The following PEX5 variants were observed in gnomAD, a reference collection of about 807,000 sequenced individuals.
PEX5 encodes the protein peroxisomal biogenesis factor 5, also known as PTS1 receptor.
In PEX5, 52 loss-of-function variants were observed where a neutral mutation model predicts 82.9. The ratio of observed to expected loss-of-function variants is 0.63; its 90% CI spans 0.50 to 0.79. The LOEUF (loss-of-function observed/expected upper bound fraction) is 0.79, where lower values mean the gene tolerates loss of function less well. Ranked by LOEUF, PEX5 falls within the 30% of genes least tolerant of loss-of-function variation. The pLI, the probability that PEX5 is intolerant of heterozygous loss-of-function variation, is 0.00. For missense variants in PEX5, 719 were observed against 815.2 expected, an observed-to-expected ratio of 0.88 and a Z score of 1.44; for synonymous variants, 300 against 318.8, an observed-to-expected ratio of 0.94 and a Z score of 0.63.
chr12:7,208,944 TG>T (rs1565719758), intron 13 of PEX5, 60 bp from the exon 14 acceptor site: 1 of 1,417,200 alleles, frequency 7.1e-7, no homozygotes, highest in Non-Finnish European at 1.0e-6. Context: ...GAAATTAATT[TG>T]GGGGGATGGG....
At chr12:7,207,163 A>G (rs1944907084) in intron 10 of PEX5, among the ~76,000 whole-genome samples, 1 of 152,208 alleles carries the variant, frequency 6.6e-6, no homozygotes, top group Non-Finnish European at 1.5e-5. Context: ...AAAATGTTTT[A>G]TCTAGTTGAC....
intron 5 of PEX5, among the ~76,000 whole-genome samples, chr12:7,195,616 T>G (rs898219506): frequency 1.1e-4 from 16 of 151,458 alleles, no homozygotes; most frequent in African/African-American, 3.4e-4. Flanking sequence ...TTTTTCTGTT[T>G]TTTTTTTTTT....
At chr12:7,199,755 G>C (rs1376004932) in intron 6 of PEX5, among the ~76,000 whole-genome samples, 1 of 150,882 alleles carries the variant, frequency 6.6e-6, no homozygotes, top group African/African-American at 2.4e-5. Flanking sequence ...CAGGCAGAGG[G>C]GCTCCTCACT....
At chr12:7,201,702 G>A in intron 6 of PEX5, 49 bp from the exon 7 acceptor site, 1 of 1,285,456 alleles carries the variant, frequency 7.8e-7, no homozygotes, top group Non-Finnish European at 1.1e-6. Flanking sequence ...AGTAGCATGG[G>A]GAGGGTGATG....
downstream of PEX5, among the ~76,000 whole-genome samples, chr12:7,214,732 AAAG>A (rs1268672204): frequency 1.1e-4 from 11 of 103,546 alleles, no homozygotes; most frequent in East Asian, 2.4e-4. Context: ...TAAAATAAAA[AAAG>A]AATTATTCTC....
intron 10 of PEX5, among the ~76,000 whole-genome samples, chr12:7,206,080 T>C (rs1477281095): frequency 6.6e-6 from 1 of 152,220 alleles, no homozygotes; most frequent in Non-Finnish European, 1.5e-5. Flanking sequence ...GTAGAGTGGC[T>C]TAAAACACGT....
chr12:7,206,000 A>G (rs762363074), intron 10 of PEX5, among the ~76,000 whole-genome samples: 12 of 152,352 alleles, frequency 7.9e-5, no homozygotes, highest in South Asian at 6.2e-4. Context: ...GATGTTCTCA[A>G]TGGCTCTGAG....
intron 1 of PEX5, 55 bp from the exon 2 acceptor site, chr12:7,190,307 A>C (rs1012081875): frequency 2.3e-5 from 37 of 1,603,680 alleles, no homozygotes; most frequent in Non-Finnish European, 3.1e-5. Flanking sequence ...AGAGTTGTGG[A>C]TGTGAGAAGG....
intron 17 of PEX5, among the ~76,000 whole-genome samples, chr12:7,217,332 TA>T (rs758266595): frequency 1.3e-5 from 2 of 152,232 alleles, no homozygotes; most frequent in Admixed American, 6.5e-5. Flanking sequence ...CAACAATAAT[TA>T]ATTATCTCTG....
intron 9 of PEX5, among the ~76,000 whole-genome samples, chr12:7,203,160 A>G (rs1944320432): frequency 4.1e-5 from 2 of 48,424 alleles, no homozygotes; most frequent in Admixed American, 5.6e-4. Context: ...CTCTGTCTCA[A>G]ACAAAAAACT....
At chr12:7,202,009 T>G in intron 7 of PEX5, 168 bp downstream of exon 7, 1 of 751,912 alleles carries the variant, frequency 1.3e-6, no homozygotes, top group Non-Finnish European at 2.3e-6. Flanking sequence ...CTTCTAGTGT[T>G]CATTCCCTCA....
intron 17 of PEX5, among the ~76,000 whole-genome samples, chr12:7,217,474 T>A (rs924531053): frequency 4.6e-5 from 7 of 152,222 alleles, no homozygotes; most frequent in African/African-American, 1.7e-4. Context: ...AATTCCTCAG[T>A]AGGTGAGACG....
chr12:7,204,162 A>G (rs1944483210), intron 10 of PEX5, among the ~76,000 whole-genome samples: 1 of 152,176 alleles, frequency 6.6e-6, no homozygotes, highest in African/African-American at 2.4e-5. Context: ...AAACAAATCT[A>G]CCTGTGGGTT....
chr12:7,204,681 C>T (rs1944543269), intron 10 of PEX5, among the ~76,000 whole-genome samples: 1 of 152,194 alleles, frequency 6.6e-6, no homozygotes, highest in Admixed American at 6.5e-5. Context: ...TAGGCCCCAT[C>T]AACTTATAAA....
Position 7,209,794 on chromosome 12 carries a change from T to A in PEX5, c.1672T>A (p.Ser558Thr). Reference protein sequence around the residue: ...ALELQPGYIRSRYNLGISCIN... With the variant: ...ALELQPGYIRTRYNLGISCIN... ...CGAGCTCCAGCCTGGCTATATCCGGTCCCGCTATAACCTGGGCATCAGCTG... is the reference window on the plus strand; with the variant it reads ...CGAGCTCCAGCCTGGCTATATCCGGACCCGCTATAACCTGGGCATCAGCTG... The change falls in exon 15 of 16, where the codon TCC (serine) becomes ACC (threonine). Residue 558 changes from serine to threonine, a missense_variant. Coordinates refer to ENST00000675855, the MANE Select transcript of PEX5 (RefSeq NM_001351132.2). The A allele has an allele frequency of 6.2e-7, 1 of 1,614,168 alleles. No homozygotes were observed. Among genetic ancestry groups the A allele is most frequent in the Non-Finnish European group, 8.5e-7 (1 of 1,180,018 alleles).
At chr12:7,197,907 T>TG (rs1226733686) in intron 5 of PEX5, among the ~76,000 whole-genome samples, 7 of 151,420 alleles carry the variant, frequency 4.6e-5, no homozygotes, top group Non-Finnish European at 1.0e-4. Context: ...GGGCCAGGAG[T>TG]GGGGAATAGC....
In PEX5 at chr12:7,202,635, C is replaced by T. The variant is rs1944243236; in HGVS notation, c.777C>T (p.Asp259=). ...QQQGTSDAWV[D]QFTRPVNTSA... ...AGGGTACATCAGATGCCTGGGTTGA[C>T]CAGTTCACAAGACCAGTAAACACAT... Residue 259 remains aspartate (D), a synonymous_variant, in exon 9 of 16, where the codon GAC becomes GAT. Coordinates refer to ENST00000675855, the MANE Select transcript of PEX5 (RefSeq NM_001351132.2). 6.2e-7 allele frequency: 1 copy of T among 1,614,006 alleles called. No individual in the cohort carries two copies. Among genetic ancestry groups the T allele is most frequent in the South Asian group, 1.1e-5 (1 of 91,072 alleles).
chr12:7,189,725 C>A lies in PEX5; in HGVS notation c.-42C>A, dbSNP rs976532778. 6 of 387,634 alleles carry A rather than the reference C, an allele frequency of 1.5e-5. No individual in the cohort carries two copies. Among genetic ancestry groups the A allele is most frequent in the Non-Finnish European group, 1.8e-5 (4 of 223,844 alleles). 24.0% of individuals were successfully genotyped at this position (387,634 alleles called of 1,614,324 possible). A position where few individuals can be genotyped will look rare whatever the true frequency, so the allele number is the denominator to read the frequency against. ...CCCAAGCCAGCACCTGGTGCCCCGGCGGGTCGTGCGGCGCGGCGCTCCGCG... is the reference window on the plus strand; with the variant it reads ...CCCAAGCCAGCACCTGGTGCCCCGGAGGGTCGTGCGGCGCGGCGCTCCGCG... On this transcript the variant is annotated 5_prime_UTR_variant, in exon 1 of 16. Transcript: ENST00000675855.
Position 7,189,703 on chromosome 12 carries a change from A to C in PEX5, c.-64A>C, listed in dbSNP as rs1940520625. ...CCCGCCCCCTCTTCTCCCCTCCCCCAAGCCAGCACCTGGTGCCCCGGCGGG... is the reference window on the plus strand; with the variant it reads ...CCCGCCCCCTCTTCTCCCCTCCCCCCAGCCAGCACCTGGTGCCCCGGCGGG... On this transcript the variant is annotated 5_prime_UTR_variant, in exon 1 of 16. Coordinates refer to ENST00000675855, the MANE Select transcript of PEX5 (RefSeq NM_001351132.2). 2.9e-5 allele frequency: 10 copies of C among 344,062 alleles called. No homozygotes were observed. Among genetic ancestry groups the C allele is most frequent in the Non-Finnish European group, 3.6e-5 (7 of 195,762 alleles). The allele number at this position is 344,062 out of a possible 1,614,324, so 21.3% of individuals were successfully genotyped here. A position where few individuals can be genotyped will look rare whatever the true frequency, so the allele number is the denominator to read the frequency against.
Sources: allele counts gnomAD v4.1 joint callset (sites outside exome capture counted in the v4.1 genomes callset), GRCh38; gene constraint gnomAD v4.1.1; transcripts MANE v1.5; gene names NCBI Gene and HGNC (gene_info 2026-07-23, HGNC 2026-07-21).